MTCL1: variants seen among roughly 807,000 people sequenced by gnomAD.
The protein encoded by MTCL1 is microtubule crosslinking factor 1.
MTCL1 carries 79 observed loss-of-function variants against 141.4 expected under a neutral mutation model. The observed-to-expected ratio is 0.56, with a 90% CI of 0.47 to 0.67. MTCL1 has a LOEUF of 0.67. MTCL1 is among the 30% of genes least tolerant of loss of function. The pLI, the probability that MTCL1 is intolerant of heterozygous loss-of-function variation, is 0.00. For synonymous variants in MTCL1, 914 were observed against 875.8 expected, an observed-to-expected ratio of 1.04 and a Z score of -0.77; for missense variants, 2,177 against 2,113.9, an observed-to-expected ratio of 1.03 and a Z score of -0.59.
chr18:8,720,162 TCA>T, intron 3 of MTCL1, 174 bp from the exon 3 acceptor site: 1 of 614,498 alleles, frequency 1.6e-6, no homozygotes, highest in Non-Finnish European at 2.7e-6. Flanking sequence ...GATGTTGATT[TCA>T]TTTTTAAATG....
At position 8,807,097 on chromosome 18, in the gene MTCL1, G is replaced by T. The variant is rs1244398092; in HGVS notation, c.2604+37G>T. 1.9e-6 allele frequency: 3 copies of T among 1,590,056 alleles called. No individual in the cohort carries two copies. The Admixed American group carries it at 5.1e-5, about 27-fold the overall frequency. ...CCAGGTCTCCCTCGATCCTGACTGT[G>T]TGTCTCTGCTGTCCAGGATATGTGG... On this transcript the variant is annotated intron_variant, in intron 11 of 16. Coordinates refer to ENST00000359865, the Ensembl canonical transcript of MTCL1.
At chr18:8,723,132 G>T (rs2096184271) in intron 4 of MTCL1, among the ~76,000 whole-genome samples, 1 of 152,132 alleles carries the variant, frequency 6.6e-6, no homozygotes, top group African/African-American at 2.4e-5. Context: ...AGGGTGGTGG[G>T]ACCGCATATT....
chr18:8,731,603 A>G (rs567726989), intron 4 of MTCL1, among the ~76,000 whole-genome samples: 1 of 152,348 alleles, frequency 6.6e-6, no homozygotes, highest in South Asian at 2.1e-4. Context: ...TAAAATATAG[A>G]CAGCACATAT....
chr18:8,729,949 T>G (rs2080706), intron 4 of MTCL1, among the ~76,000 whole-genome samples: 30,122 of 152,014 alleles, frequency 0.2, 7,553 homozygotes, highest in African/African-American at 0.59. Context: ...CATGTATGTC[T>G]GTGATCCATT....
intron 6 of MTCL1, among the ~76,000 whole-genome samples, chr18:8,785,175 G>A (rs942821544): frequency 6.6e-6 from 1 of 152,118 alleles, no homozygotes; most frequent in Non-Finnish European, 1.5e-5. Flanking sequence ...TGCCGGCCTT[G>A]CTCCTCTCTT....
At chr18:8,726,286 C>CTTTTTTTTTTTTTT (rs77665680) in intron 4 of MTCL1, among the ~76,000 whole-genome samples, 44 of 102,262 alleles carry the variant, frequency 4.3e-4, no homozygotes, top group African/African-American at 8.8e-4. Context: ...TTCTTTTTTT[C>CTTTTTTTTTTTTTT]TTTTTTTTTT....
intron 11 of MTCL1, chr18:8,809,377 G>A: frequency 6.6e-7 from 1 of 1,507,472 alleles, no homozygotes; most frequent in Non-Finnish European, 8.9e-7. Context: ...AGAAATCACG[G>A]ATCTTTTTGA....
chr18:8,803,127 T>C (rs1049432900), intron 10 of MTCL1, among the ~76,000 whole-genome samples: 5 of 149,622 alleles, frequency 3.3e-5, no homozygotes, highest in East Asian at 2.0e-4. Context: ...ATTAGCTTCA[T>C]GGGGATTAGA....
rs1174411447 is a variant in MTCL1, at chr18:8,756,489, ATATG to A, written c.358-21340_358-21337del. ...TGTATATGTGTGTATATGTGTGTATATATGTATATATGTGTGTATATATATGTGT... is the reference window on the plus strand; with the variant it reads ...TGTATATGTGTGTATATGTGTGTATATATATATGTGTGTATATATATGTGT... On this transcript the variant is annotated intron_variant, in intron 4 of 16. Coordinates refer to ENST00000359865, the Ensembl canonical transcript of MTCL1. 1.1e-4 allele frequency among the ~76,000 whole-genome samples: 16 copies of A among 143,006 alleles called. 1 individual carries two copies. The highest frequency in any genetic ancestry group is 4.8e-4 in the African/African-American group (16 of 33,388). The allele number at this position is 143,006 out of a possible 152,430, so 93.8% of individuals were successfully genotyped here.
At chr18:8,775,408 T>TAAA (rs780102071) in intron 4 of MTCL1, among the ~76,000 whole-genome samples, 1 of 92,962 alleles carries the variant, frequency 1.1e-5, no homozygotes, top group African/African-American at 4.1e-5. Context: ...TCGTCTCTAC[T>TAAA]AAAAAAAAAA....
intron 4 of MTCL1, among the ~76,000 whole-genome samples, chr18:8,743,766 A>G (rs2096318543): frequency 1.3e-5 from 2 of 152,258 alleles, no homozygotes; most frequent in African/African-American, 4.8e-5. Context: ...ATAATGCAGG[A>G]TAATCTCCCT....
intron 4 of MTCL1, among the ~76,000 whole-genome samples, chr18:8,730,120 G>A (rs1171601759): frequency 6.6e-6 from 1 of 152,010 alleles, no homozygotes; most frequent in African/African-American, 2.4e-5. Flanking sequence ...CATGTGTTTG[G>A]GTCTGTTTCT....
chr18:8,813,025 C>T, exon 12 of MTCL1: 1 of 1,614,140 alleles, frequency 6.2e-7, no homozygotes, highest in South Asian at 1.1e-5. Flanking sequence ...GGCTCCTCCG[C>T]TGAGAGCAAG....
upstream of MTCL1, among the ~76,000 whole-genome samples, chr18:8,716,912 G>C (rs2096131878): frequency 6.6e-6 from 1 of 152,032 alleles, no homozygotes; most frequent in Admixed American, 6.6e-5. Context: ...TTTAAATCTT[G>C]TGTAACCCTT....
chr18:8,776,290 G>A (rs2096508214), intron 4 of MTCL1, among the ~76,000 whole-genome samples: 1 of 152,132 alleles, frequency 6.6e-6, no homozygotes, highest in African/African-American at 2.4e-5. Context: ...CTTTCCTCAG[G>A]ATTAACTTAA....
chr18:8,803,169 A>G (rs1438105219), intron 10 of MTCL1, among the ~76,000 whole-genome samples: 2 of 151,928 alleles, frequency 1.3e-5, no homozygotes, highest in Non-Finnish European at 2.9e-5. Flanking sequence ...TAAAAAAAAA[A>G]AAAAGAAGAA....
rs1394756601 is a variant in MTCL1 at position 8,705,876 on chromosome 18, C to T, written c.216C>T (p.Pro72=). ...CCTCCTCGGGCCGAGCCCCGGCTCC[C>T]GCCGCCCCGCGCTCGCCCAACCTCG... The change falls in exon 1 of 14, where the codon CCC becomes CCT. Residue 72 remains proline (P), a synonymous_variant. Transcript: ENST00000306329. The surrounding 1 kb of genome is among the most constrained non-coding windows in gnomAD (Gnocchi z 5.2). 4.5e-6 allele frequency: 5 copies of T among 1,121,312 alleles called. No homozygotes were observed. Among genetic ancestry groups the T allele is most frequent in the African/African-American group, 3.3e-5 (2 of 60,070 alleles). The allele number at this position is 1,121,312 out of a possible 1,614,324, so 69.5% of individuals were successfully genotyped here.
At chr18:8,720,762 A>T (rs1327553331) in intron 4 of MTCL1, among the ~76,000 whole-genome samples, 2 of 152,140 alleles carry the variant, frequency 1.3e-5, no homozygotes, top group Non-Finnish European at 2.9e-5. Context: ...AGCCTAAAAT[A>T]TTTTCTATCT....
At chr18:8,719,677 C>A (rs1320073107) in intron 3 of MTCL1, among the ~76,000 whole-genome samples, 1 of 152,180 alleles carries the variant, frequency 6.6e-6, no homozygotes, top group Non-Finnish European at 1.5e-5. Flanking sequence ...ACCCTCCCAT[C>A]TTCACCTCTC....
Sources: allele counts gnomAD v4.1 joint callset (sites outside exome capture counted in the v4.1 genomes callset), GRCh38; gene constraint gnomAD v4.1.1; non-coding constraint Gnocchi (gnomAD v3.1); transcripts MANE v1.5; gene names NCBI Gene and HGNC (gene_info 2026-07-23, HGNC 2026-07-21).